The following FOXJ3 variants were observed in gnomAD, a reference collection of about 807,000 sequenced individuals.
The protein encoded by FOXJ3 is forkhead box protein J3.
In FOXJ3, 22 loss-of-function variants were observed where a neutral mutation model predicts 76.1. The ratio of observed to expected loss-of-function variants is 0.29; its 90% CI spans 0.21 to 0.41. FOXJ3 has a LOEUF of 0.41. Ranked by LOEUF, FOXJ3 falls within the 10% of genes least tolerant of loss-of-function variation. FOXJ3 has a pLI of 1.00. For synonymous variants in FOXJ3, 269 were observed against 261.2 expected, an observed-to-expected ratio of 1.03 and a Z score of -0.29; for missense variants, 613 against 762.1, an observed-to-expected ratio of 0.80 and a Z score of 2.30.
At chr1:42,198,998 AG>A in intron 7 of FOXJ3, 103 bp downstream of exon 7, 1 of 892,290 alleles carries the variant, frequency 1.1e-6, no homozygotes. Flanking sequence ...TTTATTAGTG[AG>A]AAAAACATAC....
At chr1:42,308,422 C>A (rs984637363) in intron 2 of FOXJ3, among the ~76,000 whole-genome samples, 1 of 152,110 alleles carries the variant, frequency 6.6e-6, no homozygotes, top group African/African-American at 2.4e-5. Context: ...TTCCCTTCTT[C>A]GTCTCAAAAC....
chr1:42,237,405 CATATATAT>C lies in FOXJ3; in HGVS notation c.445-9447_445-9440del, dbSNP rs60560055. Among the ~76,000 whole-genome samples, 525 of 140,664 alleles carry C rather than the reference CATATATAT, an allele frequency of 3.7e-3. 3 individuals are homozygous for C. The highest frequency in any genetic ancestry group is 0.01 in the African/African-American group (375 of 37,274). 92.3% of individuals were successfully genotyped at this position (140,664 alleles called of 152,430 possible). A position where few individuals can be genotyped will look rare whatever the true frequency, so the allele number is the denominator to read the frequency against. ...ATATATATATATACATACATACATACATATATATATATATATATATATACATACATACA... is the reference window on the plus strand; with the variant it reads ...ATATATATATATACATACATACATACATATATATATATATACATACATACA... On this transcript the variant is annotated intron_variant, in intron 4 of 12. Coordinates refer to ENST00000361346, the MANE Select transcript of FOXJ3 (RefSeq NM_014947.5).
At chr1:42,309,825 T>G (rs1654696556) in intron 2 of FOXJ3, among the ~76,000 whole-genome samples, 2 of 152,232 alleles carry the variant, frequency 1.3e-5, no homozygotes, top group African/African-American at 4.8e-5. Context: ...GGGGCCAGTG[T>G]GAAGGTAGAA....
At position 42,254,292 on chromosome 1, in the gene FOXJ3, A is replaced by G. The variant is rs1311804076; in HGVS notation, c.444+10823T>C. 2.2e-4 allele frequency among the ~76,000 whole-genome samples: 33 copies of G among 147,788 alleles called. No homozygotes were observed. The East Asian group carries it at 3.8e-3, about 17-fold the overall frequency. On this transcript the variant is annotated intron_variant, in intron 4 of 12. Transcript: ENST00000361346. ...ACCATCTCACACCAGTTAGAATGGC[A>G]ATCATTAAAAAGTCAGGAAACAACA...
At chr1:42,181,245 C>T (rs181215122) in intron 12 of FOXJ3, among the ~76,000 whole-genome samples, 5 of 152,344 alleles carry the variant, frequency 3.3e-5, no homozygotes, top group African/African-American at 9.6e-5. Context: ...TCCTTCAGAG[C>T]CTCCATTATC....
At chr1:42,197,959 CTTTTT>C (rs556505637) in intron 7 of FOXJ3, among the ~76,000 whole-genome samples, 1 of 148,744 alleles carries the variant, frequency 6.7e-6, no homozygotes, top group South Asian at 2.1e-4. Flanking sequence ...ATTGCTGTAC[CTTTTT>C]TTTTTAATTG....
At chr1:42,264,901 A>G in intron 4 of FOXJ3, 1 of 474,616 alleles carries the variant, frequency 2.1e-6, no homozygotes, top group Non-Finnish European at 3.7e-6. Context: ...AGATTAGATT[A>G]GAAACAGCAA....
intron 1 of FOXJ3, among the ~76,000 whole-genome samples, chr1:42,314,546 C>A (rs757351565): frequency 1.3e-5 from 2 of 152,180 alleles, no homozygotes; most frequent in Non-Finnish European, 2.9e-5. Flanking sequence ...GGCACCACGC[C>A]CAGCCCTCAG....
Position 42,259,345 on chromosome 1 carries a change from C to T in FOXJ3, c.444+5770G>A, listed in dbSNP as rs188949863. 1.8e-3 allele frequency among the ~76,000 whole-genome samples: 279 copies of T among 152,242 alleles called. 2 individuals carry two copies. The highest frequency in any genetic ancestry group is 3.2e-3 in the Non-Finnish European group (217 of 68,010). ...GTTTGTTGAAACTAATAGAATTACA[C>T]ACCAAAGAGTAAATTTCACCATATA... On this transcript the variant is annotated intron_variant, in intron 4 of 12. Transcript: ENST00000361346.
intron 3 of FOXJ3, among the ~76,000 whole-genome samples, chr1:42,275,528 A>AG (rs1652195322): frequency 6.6e-6 from 1 of 152,180 alleles, no homozygotes; most frequent in African/African-American, 2.4e-5. Context: ...AAAATTAGCC[A>AG]GGTGGGCATA....
At chr1:42,268,386 G>A (rs1570109702) in intron 3 of FOXJ3, among the ~76,000 whole-genome samples, 1 of 151,756 alleles carries the variant, frequency 6.6e-6, no homozygotes, top group South Asian at 2.1e-4. Flanking sequence ...CCAAACAAAA[G>A]CTGAAAAAAT....
chr1:42,181,945 T>G lies in FOXJ3; in HGVS notation c.1725A>C (p.Ala575=). The change falls in exon 12 of 13, where the codon GCA becomes GCC. Residue 575 remains alanine, a synonymous_variant. Coordinates refer to ENST00000361346, the MANE Select transcript of FOXJ3 (RefSeq NM_014947.5). ...PPPGYPHIPQ[A]LSTPGTTMAG... Reference sequence around the variant, plus strand: ...CCATCGTTGTTCCTGGAGTGCTGAGTGCCTGTGGGATATGAGGATAACCAG... The same window carrying G: ...CCATCGTTGTTCCTGGAGTGCTGAGGGCCTGTGGGATATGAGGATAACCAG... 6.2e-7 allele frequency: 1 copy of G among 1,612,888 alleles called. No individual in the cohort carries two copies. The highest frequency in any genetic ancestry group is 1.1e-5 in the South Asian group (1 of 91,018).
intron 2 of FOXJ3, among the ~76,000 whole-genome samples, chr1:42,305,465 T>C (rs868135395): frequency 6.6e-6 from 1 of 152,342 alleles, no homozygotes. Context: ...TTGTTTGCAA[T>C]ACTGTTCACA....
chr1:42,225,633 G>A (rs547426534), intron 5 of FOXJ3, among the ~76,000 whole-genome samples: 4 of 152,212 alleles, frequency 2.6e-5, no homozygotes, highest in South Asian at 2.1e-4. Flanking sequence ...ATTAGTAATC[G>A]AAAGGCCCTG....
chr1:42,215,805 T>C (rs955263561), intron 5 of FOXJ3, among the ~76,000 whole-genome samples: 20 of 152,212 alleles, frequency 1.3e-4, no homozygotes, highest in African/African-American at 4.8e-4. Context: ...ATCTTTAAAG[T>C]GCTAAAATAA....
At chr1:42,191,263 T>A (rs778601116) in intron 9 of FOXJ3, 40 bp downstream of exon 9, 1 of 1,511,832 alleles carries the variant, frequency 6.6e-7, no homozygotes, top group Admixed American at 2.2e-5. Context: ...AGATCCTAAT[T>A]CACAGTTAGC....
At chr1:42,295,737 C>A (rs1480596292) in intron 2 of FOXJ3, among the ~76,000 whole-genome samples, 1 of 152,032 alleles carries the variant, frequency 6.6e-6, no homozygotes, top group Non-Finnish European at 1.5e-5. Context: ...CGATGTTGGC[C>A]AGGCTGGTCT....
At chr1:42,275,744 C>T (rs903931164) in intron 3 of FOXJ3, among the ~76,000 whole-genome samples, 2 of 151,922 alleles carry the variant, frequency 1.3e-5, no homozygotes, top group African/African-American at 4.8e-5. Context: ...TTAGCTAGTA[C>T]CTCAAAAGTC....
chr1:42,208,880 T>G (rs747535433), intron 5 of FOXJ3, among the ~76,000 whole-genome samples: 2 of 152,070 alleles, frequency 1.3e-5, no homozygotes, highest in African/African-American at 2.4e-5. Context: ...AAGCCACACA[T>G]GAGCAAAAGC....
Sources: allele counts gnomAD v4.1 joint callset (sites outside exome capture counted in the v4.1 genomes callset), GRCh38; gene constraint gnomAD v4.1.1; transcripts MANE v1.5; gene names NCBI Gene and HGNC (gene_info 2026-07-23, HGNC 2026-07-21).